The following EFCAB5 variants were observed in gnomAD, a reference collection of about 807,000 sequenced individuals.
EFCAB5 encodes the protein EF-hand calcium binding domain 5, also known as EF-hand calcium-binding domain-containing protein 5.
EFCAB5 carries 131 observed loss-of-function variants against 167.9 expected under a neutral mutation model. That is an observed-to-expected ratio of 0.78 (90% CI 0.68 to 0.90). EFCAB5 has a LOEUF of 0.90. EFCAB5 is among the 40% of genes least tolerant of loss of function. EFCAB5 has a pLI of 0.00. For synonymous variants in EFCAB5, 574 were observed against 602.8 expected, an observed-to-expected ratio of 0.95 and a Z score of 0.70; for missense variants, 1,663 against 1,745.2, an observed-to-expected ratio of 0.95 and a Z score of 0.84.
intron 3 of EFCAB5, among the ~76,000 whole-genome samples, chr17:29,948,056 C>T (rs948648528): frequency 8.5e-5 from 13 of 152,160 alleles, no homozygotes; most frequent in Admixed American, 5.9e-4. Context: ...AAACTCCTGA[C>T]CTCAGGTGAT....
At position 30,034,388 on chromosome 17, in the gene EFCAB5, G is replaced by A. The variant is rs2069563177; in HGVS notation, c.1200+3G>A. ...TCCTACATTGTGACCACGGGAAGGT[G>A]GGTTAAGACATTTAAATAATTGCTT... On this transcript the variant is annotated splice_donor_region_variant and intron_variant, in intron 8 of 22. Coordinates refer to ENST00000394835, the MANE Select transcript of EFCAB5 (RefSeq NM_198529.4). The A allele has an allele frequency of 1.3e-6, 2 of 1,581,428 alleles. No homozygotes were observed. The highest frequency in any genetic ancestry group is 2.7e-5 in the African/African-American group (2 of 74,266).
chr17:30,067,442 C>T (rs1215039391), intron 14 of EFCAB5, among the ~76,000 whole-genome samples: 1 of 152,068 alleles, frequency 6.6e-6, no homozygotes, highest in Non-Finnish European at 1.5e-5. Flanking sequence ...TAACAAGACC[C>T]TGTCTCTATT....
In EFCAB5 at chr17:30,065,080, T is replaced by C. The variant is rs1417743252; in HGVS notation, c.2737+5379T>C. Among the ~76,000 whole-genome samples the C allele has an allele frequency of 2.0e-5, 3 of 152,186 alleles. No individual in the cohort carries two copies. The East Asian group carries it at 5.8e-4, about 29-fold the overall frequency. ...GAAATGCTCAAGGGAGCCCTATATC[T>C]GGAAGTGAAAATATGATAATCCCTA... On this transcript the variant is annotated intron_variant, in intron 14 of 22. Transcript: ENST00000394835.
At chr17:29,943,458 G>T in intron 2 of EFCAB5, 107 bp from the exon 3 acceptor site, 1 of 925,430 alleles carries the variant, frequency 1.1e-6, no homozygotes, top group Non-Finnish European at 1.6e-6. Context: ...GGAATGTTTG[G>T]TTAACTCTTA....
At chr17:29,977,708 T>C (rs1298137802) in intron 4 of EFCAB5, among the ~76,000 whole-genome samples, 1 of 152,122 alleles carries the variant, frequency 6.6e-6, no homozygotes, top group East Asian at 1.9e-4. Context: ...CACAAAGAGG[T>C]ATTTCAAAGA....
rs137940742 is a variant in EFCAB5, at chr17:29,964,585, G to A, written c.191-4206G>A. Among the ~76,000 whole-genome samples, 719 of 152,106 alleles carry A rather than the reference G, an allele frequency of 4.7e-3. 7 individuals are homozygous for A. Among genetic ancestry groups the A allele is most frequent in the African/African-American group, 0.014 (600 of 41,520 alleles). On this transcript the variant is annotated intron_variant, in intron 3 of 22. Transcript: ENST00000394835. The stretch of plus-strand genomic sequence containing the variant: ...TGGGATTACAGGTGTGAGCCACCGC[G>A]CCCAGCTTATAATTGTTTTTTGTTT...
chr17:29,930,296 G>T (rs2067169717), intron 1 of EFCAB5: 1 of 464,424 alleles, frequency 2.2e-6, no homozygotes, highest in African/African-American at 2.1e-5. Flanking sequence ...GCCGCCGCCT[G>T]GTCGTAACCC....
At chr17:30,012,047 G>A (rs1195083866) in intron 7 of EFCAB5, among the ~76,000 whole-genome samples, 1 of 152,092 alleles carries the variant, frequency 6.6e-6, no homozygotes, top group African/African-American at 2.4e-5. Context: ...GTGACCAGAA[G>A]ACAAGAGTGC....
chr17:29,944,626 TG>T lies in EFCAB5; in HGVS notation c.190+978del, dbSNP rs767684448. Among the ~76,000 whole-genome samples, 203 of 148,794 alleles carry T rather than the reference TG, an allele frequency of 1.4e-3. 10 individuals carry two copies. Among genetic ancestry groups the T allele is most frequent in the East Asian group, 3.1e-3 (16 of 5,132 alleles). On this transcript the variant is annotated intron_variant, in intron 3 of 22. Coordinates refer to ENST00000394835, the MANE Select transcript of EFCAB5 (RefSeq NM_198529.4). Reference sequence around the variant, plus strand: ...TTTTTTGTTGTTTTCTGTTTTGTTTTGTTTTTTTTTTTTTGAGACGAAGTTT... The same window carrying T: ...TTTTTTGTTGTTTTCTGTTTTGTTTTTTTTTTTTTTTTTGAGACGAAGTTT...
At chr17:29,973,888 T>C (rs1205022949) in intron 4 of EFCAB5, among the ~76,000 whole-genome samples, 3 of 151,128 alleles carry the variant, frequency 2.0e-5, no homozygotes, top group Non-Finnish European at 4.4e-5. Flanking sequence ...CCCAGCGCGG[T>C]GGCTCAAGCC....
chr17:30,026,961 CTTTTTTTTTTTTTTTTTTTTTTTTT>C (rs71138868), intron 7 of EFCAB5, among the ~76,000 whole-genome samples: 2 of 64,518 alleles, frequency 3.1e-5, no homozygotes, highest in Non-Finnish European at 5.8e-5. Context: ...CTCCTTGTAC[CTTTTTTTTTTTTTTTTTTTTTTTTT>C]TTTTTTTTTT....
Position 30,091,965 on chromosome 17 carries a change from C to T in EFCAB5, c.4032C>T (p.Ser1344=), listed in dbSNP as rs746689981. 2.5e-6 allele frequency: 4 copies of T among 1,614,000 alleles called. No homozygotes were observed. The South Asian group carries it at 4.4e-5, about 18-fold the overall frequency. The change falls in exon 21 of 23, where the codon TCC becomes TCT. Residue 1344 remains serine, a synonymous_variant. Coordinates refer to ENST00000394835, the MANE Select transcript of EFCAB5 (RefSeq NM_198529.4). ...AGGAAAGCATCCAACTACTCAATTC[C>T]ATGGAATTTGTGTCACTGTTGCTCT... ...ELQESIQLLN[S]MEFVSLLLYD...
intron 8 of EFCAB5, among the ~76,000 whole-genome samples, chr17:30,050,367 T>C (rs907917473): frequency 2.6e-5 from 4 of 152,146 alleles, no homozygotes; most frequent in African/African-American, 9.7e-5. Flanking sequence ...ACTCCCGACC[T>C]TAGGTGATCC....
intron 7 of EFCAB5, among the ~76,000 whole-genome samples, chr17:30,033,754 A>G (rs2069543768): frequency 6.6e-6 from 1 of 152,256 alleles, no homozygotes; most frequent in African/African-American, 2.4e-5. Flanking sequence ...GACAAAGGAT[A>G]TCTTATTGCA....
chr17:29,943,899 G>A (rs551417820), intron 3 of EFCAB5, among the ~76,000 whole-genome samples: 26 of 151,986 alleles, frequency 1.7e-4, no homozygotes, highest in Non-Finnish European at 2.8e-4. Flanking sequence ...TGCGTGAACA[G>A]GGAGGTGGGG....
At chr17:29,940,191 T>C (rs2067279868), upstream of EFCAB5, among the ~76,000 whole-genome samples, 1 of 152,042 alleles carries the variant, frequency 6.6e-6, no homozygotes, top group Non-Finnish European at 1.5e-5. Flanking sequence ...TTTTCCTGCC[T>C]CAGCCTCCTG....
chr17:30,083,682 G>A (rs1460965665), intron 18 of EFCAB5, among the ~76,000 whole-genome samples: 3 of 152,116 alleles, frequency 2.0e-5, no homozygotes, highest in Non-Finnish European at 2.9e-5. Context: ...TTGAACTCCC[G>A]ACCTCAGATG....
rs147750087 is a variant in EFCAB5 at position 30,065,437 on chromosome 17, C to T, written c.2737+5736C>T. Reference sequence around the variant, plus strand: ...CCAGCATTTCGGGAGCTGAGGCAGGCGGATCACAAAGTCAAGAGATTGAAA... The same window carrying T: ...CCAGCATTTCGGGAGCTGAGGCAGGTGGATCACAAAGTCAAGAGATTGAAA... On this transcript the variant is annotated intron_variant, in intron 14 of 22. Coordinates refer to ENST00000394835, the MANE Select transcript of EFCAB5 (RefSeq NM_198529.4). 5.6e-3 allele frequency among the ~76,000 whole-genome samples: 845 copies of T among 152,116 alleles called. 8 individuals carry two copies. Among genetic ancestry groups the T allele is most frequent in the African/African-American group, 0.019 (799 of 41,488 alleles).
At chr17:30,016,809 G>T (rs1005190660) in intron 7 of EFCAB5, among the ~76,000 whole-genome samples, 5 of 152,160 alleles carry the variant, frequency 3.3e-5, no homozygotes, top group Non-Finnish European at 7.3e-5. Context: ...TGTGTACTCA[G>T]ATGAGAAATT....
Sources: allele counts gnomAD v4.1 joint callset (sites outside exome capture counted in the v4.1 genomes callset), GRCh38; gene constraint gnomAD v4.1.1; transcripts MANE v1.5; gene names NCBI Gene and HGNC (gene_info 2026-07-23, HGNC 2026-07-21).